The following G2E3 variants were observed in gnomAD, a reference collection of about 807,000 sequenced individuals.
The protein encoded by G2E3 is G2/M phase-specific E3 ubiquitin-protein ligase.
Under a neutral mutation model 92.8 loss-of-function variants are expected in G2E3, and 35 were observed. The observed-to-expected ratio is 0.38, with a 90% confidence interval of 0.29 to 0.50. The LOEUF (loss-of-function observed/expected upper bound fraction) is 0.50. G2E3 is among the 20% of genes least tolerant of loss of function. The pLI is 0.94. For missense variants in G2E3, 554 were observed against 823.8 expected (o/e 0.67, Z 4.01); for synonymous variants, 242 against 272.4 (o/e 0.89, Z 1.10).
At chr14:30,601,522 TTGTA>T (rs1408245904) in intron 8 of G2E3, among the ~76,000 whole-genome samples, 1 of 152,230 alleles carries the variant, frequency 6.6e-6, no homozygotes, top group African/African-American at 2.4e-5. Context: ...TTTATATTCT[TTGTA>T]TGTGCATATA....
In G2E3 at chr14:30,608,004, C is replaced by A. The variant is rs772904346; in HGVS notation, c.1435C>A (p.Pro479Thr). The change falls in exon 12 of 15, where the codon CCA becomes ACA. Residue 479 changes from proline to threonine, a missense_variant. Around this residue, in one of 3 missense-constraint regions of G2E3, gnomAD observed 397 missense variants for 560.3 expected, o/e 0.71. Coordinates refer to ENST00000206595, the MANE Select transcript of G2E3 (RefSeq NM_017769.5). The part of the protein sequence containing the change: ...KTLFNCLVYG[P>T]ENTQPILDDV... Reference sequence around the variant, plus strand: ...CTTGTTTAACTGCCTTGTTTATGGACCAGAAAATACCCAGCCAATTTTAGA... The same window carrying A: ...CTTGTTTAACTGCCTTGTTTATGGAACAGAAAATACCCAGCCAATTTTAGA... 5.0e-6 allele frequency: 8 copies of A among 1,604,886 alleles called. No homozygotes were observed. The highest frequency in any genetic ancestry group is 5.1e-6 in the Non-Finnish European group (6 of 1,176,550).
intron 8 of G2E3, among the ~76,000 whole-genome samples, chr14:30,599,318 C>A (rs558118875): frequency 1.9e-4 from 29 of 152,266 alleles, no homozygotes; most frequent in African/African-American, 6.5e-4. Context: ...ACCTCTGCCT[C>A]CCGGGTTCAA....
intron 11 of G2E3, among the ~76,000 whole-genome samples, chr14:30,606,022 A>G (rs1412817092): frequency 6.6e-6 from 1 of 152,150 alleles, no homozygotes; most frequent in Non-Finnish European, 1.5e-5. Context: ...ATTTAAGAAT[A>G]TACATTCTTT....
intron 2 of G2E3, among the ~76,000 whole-genome samples, chr14:30,582,619 C>T (rs950558382): frequency 6.6e-6 from 1 of 152,210 alleles, no homozygotes; most frequent in Non-Finnish European, 1.5e-5. Context: ...GCTTTATGCA[C>T]ACTTGCGGGT....
chr14:30,561,622 C>T, intron 1 of G2E3, among the ~76,000 whole-genome samples: 1 of 152,090 alleles, frequency 6.6e-6, no homozygotes, highest in Non-Finnish European at 1.5e-5. Context: ...TTTTATTTCC[C>T]CTTAAGATTT....
At chr14:30,587,562 C>A (rs879519269) in intron 3 of G2E3, among the ~76,000 whole-genome samples, 7 of 152,172 alleles carry the variant, frequency 4.6e-5, no homozygotes, top group African/African-American at 1.4e-4. Flanking sequence ...CTGGATAGTT[C>A]AGGCTCAGAG....
chr14:30,608,208 G>A (rs1470044229), intron 12 of G2E3, 139 bp downstream of exon 12: 3 of 530,722 alleles, frequency 5.7e-6, no homozygotes, highest in Non-Finnish European at 9.4e-6. Flanking sequence ...TTTACCAGTG[G>A]AGTTCTGAAC....
At chr14:30,564,047 T>G (rs1312471608) in intron 1 of G2E3, among the ~76,000 whole-genome samples, 4 of 152,222 alleles carry the variant, frequency 2.6e-5, no homozygotes, top group South Asian at 2.1e-4. Context: ...CTTATCCTTT[T>G]GTTTTAAATA....
In G2E3 at chr14:30,574,176, A is replaced by G. The variant is rs562745387; in HGVS notation, c.-4-6900A>G. Among the ~76,000 whole-genome samples the G allele has an allele frequency of 4.6e-5, 7 of 152,238 alleles. No individual in the cohort carries two copies. The East Asian group carries it at 1.4e-3, about 29-fold the overall frequency. On this transcript the variant is annotated intron_variant, in intron 1 of 14. Transcript: ENST00000206595. ...TGAACCGTTGGAGAGTAGGTTGCATATATCTGGTCCCCCTACCCCTTAATG... is the reference window on the plus strand; with the variant it reads ...TGAACCGTTGGAGAGTAGGTTGCATGTATCTGGTCCCCCTACCCCTTAATG...
chr14:30,590,793 T>C (rs764101354), intron 4 of G2E3: 11 of 454,692 alleles, frequency 2.4e-5, no homozygotes, highest in Middle Eastern at 3.3e-4. Flanking sequence ...TTCCTAAACT[T>C]CCTGGTGATA....
intron 1 of G2E3, among the ~76,000 whole-genome samples, chr14:30,580,151 G>C (rs534407674): frequency 2.2e-4 from 34 of 152,178 alleles, no homozygotes; most frequent in African/African-American, 7.9e-4. Flanking sequence ...ATAGAATCCT[G>C]GCAAATGCAA....
At chr14:30,593,833 C>T (rs1160759651) in intron 6 of G2E3, among the ~76,000 whole-genome samples, 194 bp downstream of exon 6, 1 of 152,140 alleles carries the variant, frequency 6.6e-6, no homozygotes, top group Non-Finnish European at 1.5e-5. Flanking sequence ...AATTAACATT[C>T]AATAAATACT....
intron 1 of G2E3, chr14:30,560,255 T>C (rs1264137139): frequency 2.6e-5 from 4 of 152,762 alleles, no homozygotes; most frequent in Non-Finnish European, 4.4e-5. Context: ...TGTACAAGTT[T>C]TACATCTTTA....
rs780035152 is a variant in G2E3 at position 30,605,702 on chromosome 14, G to T, written c.1208G>T (p.Ser403Ile). ...GTTATTGAAAATGATAATTTTGGAA[G>T]TGAGCATCCTGGATCAAAGCAAGAA... The part of the protein sequence containing the change: ...AYVIENDNFG[S>I]EHPGSKQEFL... Residue 403 changes from serine (S) to isoleucine (I), a missense_variant, in exon 11 of 15, where the codon AGT (serine) becomes ATT (isoleucine). Ser to Ile is a moderately radical substitution (Grantham distance 142). Around this residue, in one of 3 missense-constraint regions of G2E3, gnomAD observed 397 missense variants for 560.3 expected, o/e 0.71. Coordinates refer to ENST00000206595, the MANE Select transcript of G2E3 (RefSeq NM_017769.5). The T allele has an allele frequency of 6.2e-7, 1 of 1,608,196 alleles. No homozygotes were observed. The highest frequency in any genetic ancestry group is 8.5e-7 in the Non-Finnish European group (1 of 1,175,658).
intron 3 of G2E3, among the ~76,000 whole-genome samples, chr14:30,588,153 G>T (rs770838562): frequency 1.3e-4 from 19 of 151,878 alleles, no homozygotes; most frequent in Non-Finnish European, 2.8e-4. Flanking sequence ...AGTTACAGAC[G>T]ATTATGTTTT....
At chr14:30,603,215 A>G (rs1019237624) in intron 10 of G2E3, among the ~76,000 whole-genome samples, 4 of 151,930 alleles carry the variant, frequency 2.6e-5, no homozygotes, top group Non-Finnish European at 4.4e-5. Context: ...AGTCCCAGCT[A>G]CTTGGGAGGC....
chr14:30,615,719 A>T (rs1032966960), intron 14 of G2E3, among the ~76,000 whole-genome samples, 180 bp downstream of exon 14: 3 of 152,200 alleles, frequency 2.0e-5, no homozygotes, highest in African/African-American at 7.2e-5. Flanking sequence ...AATAATGAGA[A>T]AAGATTACAG....
At chr14:30,613,023 T>C (rs1882163848) in intron 13 of G2E3, among the ~76,000 whole-genome samples, 1 of 152,222 alleles carries the variant, frequency 6.6e-6, no homozygotes. Context: ...TGAGTACCTT[T>C]TATCTGCTGG....
At chr14:30,591,313 G>A (rs985035968) in intron 4 of G2E3, among the ~76,000 whole-genome samples, 37 of 152,012 alleles carry the variant, frequency 2.4e-4, no homozygotes, top group African/African-American at 8.7e-4. Flanking sequence ...GGGTTCCAAG[G>A]TGTTTTAGGT....
Sources: allele counts gnomAD v4.1 joint callset (sites outside exome capture counted in the v4.1 genomes callset), GRCh38; gene constraint gnomAD v4.1.1; regional missense constraint gnomAD v4.1.1; transcripts MANE v1.5; gene names NCBI Gene and HGNC (gene_info 2026-07-23, HGNC 2026-07-21).